The following KCNH5 variants were observed in gnomAD, a reference collection of about 807,000 sequenced individuals.
The protein encoded by KCNH5 is potassium voltage-gated channel subfamily H member 5.
Under a neutral mutation model 96.1 loss-of-function variants are expected in KCNH5, and 46 were observed. That is an observed-to-expected ratio of 0.48 (90% CI 0.38 to 0.61). The LOEUF is 0.61. KCNH5 is among the 20% of genes least tolerant of loss of function. The probability of loss-of-function intolerance (pLI) is 0.00; values close to 1 mark genes in which losing one functional copy is unlikely to be tolerated. For missense variants in KCNH5, 907 were observed against 1,225.8 expected, an observed-to-expected ratio of 0.74 and a Z score of 3.88; for synonymous variants, 439 against 449.8, an observed-to-expected ratio of 0.98 and a Z score of 0.30.
intron 2 of KCNH5, among the ~76,000 whole-genome samples, chr14:63,012,446 A>T (rs116118582): frequency 0.012 from 1,781 of 152,296 alleles, 23 homozygotes; most frequent in African/African-American, 0.032. Context: ...GAAAACCAGA[A>T]TCCTCACTAA....
At chr14:63,009,209 AAAGT>A (rs1891181444) in intron 2 of KCNH5, among the ~76,000 whole-genome samples, 1 of 152,292 alleles carries the variant, frequency 6.6e-6, no homozygotes, top group Middle Eastern at 3.4e-3. Context: ...ATAAGATTTA[AAAGT>A]AAGTTACAAC....
chr14:62,847,537 T>C (rs1279628365), intron 8 of KCNH5, among the ~76,000 whole-genome samples: 1 of 152,186 alleles, frequency 6.6e-6, no homozygotes. Flanking sequence ...CTTTTATATT[T>C]GTCACAGTTA....
At chr14:62,839,883 T>C (rs1887540783) in intron 8 of KCNH5, among the ~76,000 whole-genome samples, 1 of 151,958 alleles carries the variant, frequency 6.6e-6, no homozygotes, top group South Asian at 2.1e-4. Context: ...CCAAATTCTA[T>C]TGTTTTTTTC....
At chr14:62,714,130 A>T (rs1222437390) in intron 10 of KCNH5, among the ~76,000 whole-genome samples, 2 of 28,134 alleles carry the variant, frequency 7.1e-5, no homozygotes, top group Non-Finnish European at 1.5e-4. Flanking sequence ...AATAAAATTT[A>T]AAAAAAAAAA....
At chr14:62,918,608 A>G (rs1889321677) in intron 7 of KCNH5, among the ~76,000 whole-genome samples, 1 of 152,178 alleles carries the variant, frequency 6.6e-6, no homozygotes, top group Admixed American at 6.5e-5. Flanking sequence ...ACAAATGGTC[A>G]ATAAACATAA....
chr14:62,803,718 A>G (rs1405229821), intron 8 of KCNH5, among the ~76,000 whole-genome samples: 1 of 152,182 alleles, frequency 6.6e-6, no homozygotes, highest in Non-Finnish European at 1.5e-5. Flanking sequence ...TAAAATGGAC[A>G]TTATCATCAT....
At position 62,708,269 on chromosome 14, in the gene KCNH5, C is replaced by T; in HGVS notation, c.2206G>A (p.Val736Ile). The T allele has an allele frequency of 6.2e-7, 1 of 1,614,180 alleles. No individual in the cohort carries two copies. The highest frequency in any genetic ancestry group is 8.5e-7 in the Non-Finnish European group (1 of 1,180,038). ...CCATTCTGTAAGGAGCGGCTCTCTA[C>T]CTGGAGTTGGTTCCTCTCAGGGTCA... ...QGDPERNQLQ[V>I]ESRSLQNGAS... Residue 736 changes from valine to isoleucine, a missense_variant, in exon 11 of 11, where the codon GTA becomes ATA. Around this residue, in one of 6 missense-constraint regions of KCNH5, gnomAD observed 362 missense variants for 394.4 expected, o/e 0.92. Coordinates refer to ENST00000322893, the MANE Select transcript of KCNH5 (RefSeq NM_139318.5).
At chr14:62,968,874 A>G (rs1224140989) in intron 6 of KCNH5, among the ~76,000 whole-genome samples, 1 of 152,220 alleles carries the variant, frequency 6.6e-6, no homozygotes, top group Non-Finnish European at 1.5e-5. Flanking sequence ...CTGGATTTGA[A>G]TTATTTACCT....
chr14:62,961,129 C>T (rs988604084), intron 6 of KCNH5, among the ~76,000 whole-genome samples: 4 of 152,028 alleles, frequency 2.6e-5, no homozygotes, highest in African/African-American at 9.7e-5. Flanking sequence ...TGTGTACAAG[C>T]AAACCAAATT....
intron 10 of KCNH5, among the ~76,000 whole-genome samples, chr14:62,773,212 A>G (rs771867018): frequency 2.0e-5 from 3 of 152,226 alleles, no homozygotes; most frequent in South Asian, 2.1e-4. Context: ...GAACTTAGGC[A>G]ATCACTTAAT....
intron 7 of KCNH5, among the ~76,000 whole-genome samples, chr14:62,860,197 A>G (rs190956485): frequency 8.6e-4 from 131 of 152,290 alleles, no homozygotes; most frequent in Non-Finnish European, 1.7e-3. Context: ...AAAGGAGAGT[A>G]GTTATCTGCA....
At chr14:63,044,307 A>G (rs950575965) in intron 1 of KCNH5, among the ~76,000 whole-genome samples, 7 of 152,230 alleles carry the variant, frequency 4.6e-5, no homozygotes, top group Admixed American at 2.0e-4. Flanking sequence ...CATCCAAAAT[A>G]TCTTGTAGGA....
intron 8 of KCNH5, among the ~76,000 whole-genome samples, chr14:62,841,366 G>A (rs148311359): frequency 1.2e-4 from 18 of 152,216 alleles, no homozygotes; most frequent in South Asian, 4.2e-4. Context: ...GCAGATTTAC[G>A]GCAGTGGAAG....
chr14:62,969,849 C>G (rs1890370131), intron 6 of KCNH5, among the ~76,000 whole-genome samples: 2 of 137,020 alleles, frequency 1.5e-5, no homozygotes, highest in Non-Finnish European at 3.0e-5. Context: ...ATCACCTGAT[C>G]TCAGGAACTC....
At chr14:62,799,014 G>A (rs1595627160) in intron 9 of KCNH5, among the ~76,000 whole-genome samples, 1 of 152,274 alleles carries the variant, frequency 6.6e-6, no homozygotes, top group Admixed American at 6.5e-5. Flanking sequence ...TCAGATGTGA[G>A]GGATGTAGGG....
intron 8 of KCNH5, among the ~76,000 whole-genome samples, chr14:62,826,605 T>C (rs913731310): frequency 6.6e-6 from 1 of 152,102 alleles, no homozygotes; most frequent in African/African-American, 2.4e-5. Flanking sequence ...GTTCTGTTTT[T>C]TACTTTAAAA....
At chr14:62,939,735 T>A (rs896786202) in intron 7 of KCNH5, among the ~76,000 whole-genome samples, 16 of 152,078 alleles carry the variant, frequency 1.1e-4, no homozygotes, top group African/African-American at 3.6e-4. Context: ...AGGCCAGGAG[T>A]TCGAGACCAG....
chr14:62,712,740 A>G (rs775498542), intron 10 of KCNH5: 2 of 775,718 alleles, frequency 2.6e-6, no homozygotes, highest in Non-Finnish European at 4.8e-6. Flanking sequence ...ATTGAACACA[A>G]TTGAAGCTGT....
intron 7 of KCNH5, among the ~76,000 whole-genome samples, chr14:62,913,000 T>C (rs1250155589): frequency 6.6e-6 from 1 of 152,222 alleles, no homozygotes; most frequent in Non-Finnish European, 1.5e-5. Context: ...GAGAATTATC[T>C]AACAAATGTA....
Sources: allele counts gnomAD v4.1 joint callset (sites outside exome capture counted in the v4.1 genomes callset), GRCh38; gene constraint gnomAD v4.1.1; regional missense constraint gnomAD v4.1.1; transcripts MANE v1.5; gene names NCBI Gene and HGNC (gene_info 2026-07-23, HGNC 2026-07-21).